UBE2O: variants seen among roughly 807,000 people sequenced by gnomAD.
The protein encoded by UBE2O is (E3-independent) E2 ubiquitin-conjugating enzyme.
UBE2O carries 15 observed loss-of-function variants against 125.8 expected under a neutral mutation model. The ratio of observed to expected loss-of-function variants is 0.12; its 90% CI spans 0.08 to 0.18. The LOEUF is 0.18. Ranked by LOEUF, UBE2O falls within the 10% of genes least tolerant of loss-of-function variation. The probability of loss-of-function intolerance (pLI) is 1.00; values close to 1 mark genes in which losing one functional copy is unlikely to be tolerated. For synonymous variants in UBE2O, 708 were observed against 703.2 expected (o/e 1.01, Z -0.11); for missense variants, 1,280 against 1,723.6 (o/e 0.74, Z 4.56).
In UBE2O at chr17:76,398,894, C is replaced by T. The variant is rs1303388880; in HGVS notation, c.1726G>A (p.Val576Met). 2 of 1,614,184 alleles carry T rather than the reference C, an allele frequency of 1.2e-6. No individual in the cohort carries two copies. Among genetic ancestry groups the T allele is most frequent in the Non-Finnish European group, 1.7e-6 (2 of 1,180,026 alleles). ...AACTCGTTGTTGTCCAGGTGGTGCA[C>T]AGGGAAGAGGTCGTTGGAGCGGATG... ...CNIRSNDLFP[V>M]HHLDNNEFCP... Residue 576 changes from valine to methionine, a missense_variant, in exon 10 of 18, where the codon GTG becomes ATG. Around this residue, in one of 10 missense-constraint regions of UBE2O, gnomAD observed 145 missense variants for 219.6 expected, o/e 0.66. Coordinates refer to ENST00000319380, the MANE Select transcript of UBE2O (RefSeq NM_022066.4). The surrounding 1 kb of genome is among the most constrained non-coding windows in gnomAD (Gnocchi z 5.4).
chr17:76,400,351 G>T lies in UBE2O; in HGVS notation c.1005-54C>A. 3.7e-6 allele frequency: 6 copies of T among 1,601,494 alleles called. No individual in the cohort carries two copies. The highest frequency in any genetic ancestry group is 4.3e-6 in the Non-Finnish European group (5 of 1,171,914). On this transcript the variant is annotated intron_variant, in intron 7 of 17. Transcript: ENST00000319380. This position sits in a 1 kb window ranked among gnomAD's most constrained non-coding sequence, Gnocchi z 4.3. The stretch of plus-strand genomic sequence containing the variant: ...GGGCTGGACTCCTGGGAGGCCAGCA[G>T]TGTTCTTAAGCCTCCCCAGGCATGT...
Position 76,396,700 on chromosome 17 carries a change from C to T in UBE2O, c.2237G>A (p.Gly746Glu). 2 of 1,613,978 alleles carry T rather than the reference C, an allele frequency of 1.2e-6. No homozygotes were observed. The highest frequency in any genetic ancestry group is 1.7e-6 in the Non-Finnish European group (2 of 1,180,012). ...CTTGGGGTGCTCGTCCTCCACCAGC[C>T]CATTGTCCGTCTCCCAGCTGTCACT... ...DDSDSWETDN[G>E]LVEDEHPKIE... is the part of the protein sequence containing the mutation. Residue 746 changes from glycine (G) to glutamate (E), a missense_variant, in exon 14 of 18, where the codon GGG becomes GAG. This residue lies in a region of UBE2O where 210 missense variants were observed against 268.9 expected (regional missense o/e 0.78). Transcript: ENST00000319380. The surrounding 1 kb of genome is among the most constrained non-coding windows in gnomAD (Gnocchi z 6.7).
chr17:76,393,188 G>A (rs1434442675), intron 15 of UBE2O, among the ~76,000 whole-genome samples: 1 of 151,852 alleles, frequency 6.6e-6, no homozygotes, highest in East Asian at 2.0e-4. Context: ...ACTCCAGGAG[G>A]CTGAGGCTGC....
intron 1 of UBE2O, among the ~76,000 whole-genome samples, chr17:76,423,781 G>C (rs1183727056): frequency 6.6e-6 from 1 of 151,628 alleles, no homozygotes; most frequent in Non-Finnish European, 1.5e-5. Flanking sequence ...TTCAGGCCCA[G>C]GACATAATTG....
rs1341037310 is a variant in UBE2O, at chr17:76,395,064, C to T, written c.2946+661G>A. ...CTAATTTTTGTATTTTTAGTAGAGACAGGGTTTCACCGGGTTGGTCAGGCT... is the reference window on the plus strand; with the variant it reads ...CTAATTTTTGTATTTTTAGTAGAGATAGGGTTTCACCGGGTTGGTCAGGCT... On this transcript the variant is annotated intron_variant, in intron 15 of 17. Transcript: ENST00000319380. This position sits in a 1 kb window ranked among gnomAD's most constrained non-coding sequence, Gnocchi z 5.0. Among the ~76,000 whole-genome samples, 8 of 151,698 alleles carry T rather than the reference C, an allele frequency of 5.3e-5. No individual in the cohort carries two copies. Among genetic ancestry groups the T allele is most frequent in the African/African-American group, 1.9e-4 (8 of 41,280 alleles).
intron 1 of UBE2O, among the ~76,000 whole-genome samples, chr17:76,432,232 T>G (rs558957455): frequency 6.6e-6 from 1 of 152,156 alleles, no homozygotes; most frequent in African/African-American, 2.4e-5. Context: ...GGCACAACCA[T>G]GTCTTAGACC....
chr17:76,422,641 G>A (rs1464283880), intron 1 of UBE2O, among the ~76,000 whole-genome samples: 3 of 152,226 alleles, frequency 2.0e-5, no homozygotes, highest in African/African-American at 7.2e-5. Context: ...GAACAGCCAT[G>A]GCTCAAATGT....
chr17:76,437,123 T>C (rs963606170), intron 1 of UBE2O, among the ~76,000 whole-genome samples: 8 of 144,434 alleles, frequency 5.5e-5, no homozygotes, highest in African/African-American at 1.8e-4. Flanking sequence ...TACTCCAGCC[T>C]GGGCAACAAA....
Position 76,452,736 on chromosome 17 carries a change from T to C in UBE2O, c.406A>G (p.Lys136Glu). The change falls in exon 1 of 18, where the codon AAG (lysine) becomes GAG (glutamate). Residue 136 changes from lysine (K) to glutamate (E), a missense_variant. Coordinates refer to ENST00000319380, the MANE Select transcript of UBE2O (RefSeq NM_022066.4). The surrounding 1 kb of genome is among the most constrained non-coding windows in gnomAD (Gnocchi z 4.4). ...WYPEGVKQHVKETKLKLEDRS... is the reference protein window; with the variant it reads ...WYPEGVKQHVEETKLKLEDRS... Reference sequence around the variant, plus strand: ...CCCGCCCGCCGCACCTTGGTCTCCTTCACATGCTGCTTGACGCCCTCCGGG... The same window carrying C: ...CCCGCCCGCCGCACCTTGGTCTCCTCCACATGCTGCTTGACGCCCTCCGGG... 6.7e-7 allele frequency: 1 copy of C among 1,491,356 alleles called. No individual in the cohort carries two copies. Among genetic ancestry groups the C allele is most frequent in the Non-Finnish European group, 8.8e-7 (1 of 1,130,354 alleles). The allele number at this position is 1,491,356 out of a possible 1,614,324, so 92.4% of individuals were successfully genotyped here.
In UBE2O at chr17:76,401,129, C is replaced by G. The variant is rs1232994398; in HGVS notation, c.776G>C (p.Gly259Ala). Residue 259 changes from glycine (G) to alanine (A), a missense_variant, in exon 6 of 18, where the codon GGC becomes GCC. Gly to Ala is a moderately conservative substitution (Grantham distance 60). Coordinates refer to ENST00000319380, the MANE Select transcript of UBE2O (RefSeq NM_022066.4). ...AATGAGCACCTGGCCTGGGTAGAAGCCATAGGAATCATCGAAGAAGAGACC... is the reference window on the plus strand; with the variant it reads ...AATGAGCACCTGGCCTGGGTAGAAGGCATAGGAATCATCGAAGAAGAGACC... ...DSGLFFDDSY[G>A]FYPGQVLIGP... 2 of 1,613,652 alleles carry G rather than the reference C, an allele frequency of 1.2e-6. No individual in the cohort carries two copies. Among genetic ancestry groups the G allele is most frequent in the African/African-American group, 2.7e-5 (2 of 74,932 alleles).
chr17:76,439,344 C>T (rs566354468), intron 1 of UBE2O, among the ~76,000 whole-genome samples: 1 of 152,346 alleles, frequency 6.6e-6, no homozygotes, highest in East Asian at 1.9e-4. Context: ...CACCCCACCT[C>T]TAGCTCAGTG....
intron 1 of UBE2O, among the ~76,000 whole-genome samples, chr17:76,450,084 A>AAAAAAAAAAAAAAAAAAAT (rs2073214177): frequency 7.2e-6 from 1 of 139,174 alleles, no homozygotes; most frequent in Non-Finnish European, 1.6e-5. Context: ...CAGTAACTCA[A>AAAAAAAAAAAAAAAAAAAT]AAAAAAAAAA....
In UBE2O at chr17:76,389,833, T is replaced by C. The variant is rs2072072114; in HGVS notation, c.*1110A>G. The C allele has an allele frequency of 6.6e-6, 1 of 152,138 alleles. No individual in the cohort carries two copies. The highest frequency in any genetic ancestry group is 6.6e-5 in the Admixed American group (1 of 15,254). The allele number at this position is 152,138 out of a possible 1,614,324, so 9.4% of individuals were successfully genotyped here. ...TTTTTTTCTAATAAGAGTTAATATC[T>C]TTGCTTTTGAGTTTTTTTTCCAACC... On this transcript the variant is annotated 3_prime_UTR_variant, in exon 18 of 18. Transcript: ENST00000319380.
At position 76,400,384 on chromosome 17, in the gene UBE2O, G is replaced by A. The variant is rs530741918; in HGVS notation, c.1004+57C>T. 3,098 of 1,593,478 alleles carry A rather than the reference G, an allele frequency of 1.9e-3. 8 individuals are homozygous for A. Among genetic ancestry groups the A allele is most frequent in the Non-Finnish European group, 2.3e-3 (2,735 of 1,166,842 alleles). On this transcript the variant is annotated intron_variant, in intron 7 of 17. Coordinates refer to ENST00000319380, the MANE Select transcript of UBE2O (RefSeq NM_022066.4). The surrounding 1 kb of genome is among the most constrained non-coding windows in gnomAD (Gnocchi z 4.3). ...AAGCCTCCCCAGGCATGTGACCAGGGCCCAGAGCCCTGTCCCACGCGTGCC... is the reference window on the plus strand; with the variant it reads ...AAGCCTCCCCAGGCATGTGACCAGGACCCAGAGCCCTGTCCCACGCGTGCC...
intron 1 of UBE2O, among the ~76,000 whole-genome samples, chr17:76,428,141 T>A (rs980554579): frequency 6.6e-6 from 1 of 152,250 alleles, no homozygotes; most frequent in African/African-American, 2.4e-5. Flanking sequence ...ATCCACCCCA[T>A]TGTCTTCTGG....
chr17:76,415,540 C>T (rs1039161921), intron 1 of UBE2O, among the ~76,000 whole-genome samples: 5 of 152,202 alleles, frequency 3.3e-5, no homozygotes. Context: ...CGAGGTGGCT[C>T]ACACCTGTAA....
chr17:76,435,965 G>A (rs1487968062), intron 1 of UBE2O, among the ~76,000 whole-genome samples: 2 of 152,236 alleles, frequency 1.3e-5, no homozygotes, highest in African/African-American at 4.8e-5. Flanking sequence ...ATCATCGTTA[G>A]GCCCCGTGCG....
Position 76,399,070 on chromosome 17 carries a change from C to G in UBE2O, c.1629-79G>C. The G allele has an allele frequency of 1.3e-6, 2 of 1,534,492 alleles. No homozygotes were observed. Among genetic ancestry groups the G allele is most frequent in the Non-Finnish European group, 1.8e-6 (2 of 1,138,900 alleles). Reference sequence around the variant, plus strand: ...AGGGCAGAGAGTCTTTCTGTCCCTTCCTGTCCCTGTGGGCTTGGTAACCTG... The same window carrying G: ...AGGGCAGAGAGTCTTTCTGTCCCTTGCTGTCCCTGTGGGCTTGGTAACCTG... On this transcript the variant is annotated intron_variant, in intron 9 of 17. Transcript: ENST00000319380. This position sits in a 1 kb window ranked among gnomAD's most constrained non-coding sequence, Gnocchi z 6.9.
At chr17:76,434,561 T>C (rs151024961) in intron 1 of UBE2O, among the ~76,000 whole-genome samples, 1 of 152,142 alleles carries the variant, frequency 6.6e-6, no homozygotes, top group Admixed American at 6.5e-5. Context: ...GGGTGACTCC[T>C]CGTCCTGGGG....
Sources: allele counts gnomAD v4.1 joint callset (sites outside exome capture counted in the v4.1 genomes callset), GRCh38; gene constraint gnomAD v4.1.1; regional missense constraint gnomAD v4.1.1; non-coding constraint Gnocchi (gnomAD v3.1); transcripts MANE v1.5; gene names NCBI Gene and HGNC (gene_info 2026-07-23, HGNC 2026-07-21).